Variants in CBX5 observed in about 807,000 individuals in gnomAD.
The protein encoded by CBX5 is chromobox 5, also known as chromobox protein homolog 5.
Under a neutral mutation model 20.7 loss-of-function variants are expected in CBX5, and 7 were observed. The observed-to-expected ratio is 0.34, with a 90% CI of 0.19 to 0.63. The LOEUF (loss-of-function observed/expected upper bound fraction) is 0.63, where lower values mean the gene tolerates loss of function less well. Among genes scored for constraint, CBX5 ranks in the 30% least tolerant of loss-of-function variants. CBX5 has a pLI of 0.75. For missense variants in CBX5, 110 were observed against 224.1 expected, an observed-to-expected ratio of 0.49 and a Z score of 3.25; for synonymous variants, 78 against 77.0, an observed-to-expected ratio of 1.01 and a Z score of -0.07.
chr12:54,278,322 T>A (rs1291132994), intron 1 of CBX5, among the ~76,000 whole-genome samples: 1 of 152,224 alleles, frequency 6.6e-6, no homozygotes, highest in Non-Finnish European at 1.5e-5. Flanking sequence ...CCAGGACAGA[T>A]ACCCTTAACC....
rs1017361193 is a variant in CBX5 at position 54,233,714 on chromosome 12, T to C, written c.*8041A>G. ...GGGAGGCTGAGGCACGTGGATCACT[T>C]GAGCTCACGAGTTGGAGACCAGCCT... is the stretch of plus-strand genomic sequence containing the variant. On this transcript the variant is annotated 3_prime_UTR_variant, in exon 5 of 5. Transcript: ENST00000209875. 2 of 151,930 alleles carry C rather than the reference T, an allele frequency of 1.3e-5. No individual in the cohort carries two copies. The highest frequency in any genetic ancestry group is 4.8e-5 in the African/African-American group (2 of 41,346). 9.4% of individuals were successfully genotyped at this position (151,930 alleles called of 1,614,324 possible). A position where few individuals can be genotyped will look rare whatever the true frequency, so the allele number is the denominator to read the frequency against.
intron 2 of CBX5, among the ~76,000 whole-genome samples, chr12:54,253,306 G>T (rs1450922929): frequency 1.3e-5 from 2 of 152,004 alleles, no homozygotes; most frequent in Admixed American, 1.3e-4. Flanking sequence ...TCCCAGCTAC[G>T]CAGGAGGCTA....
intron 1 of CBX5, chr12:54,273,524 T>G (rs528486355): frequency 6.6e-6 from 1 of 152,152 alleles, no homozygotes; most frequent in Non-Finnish European, 1.5e-5. Context: ...CTCTCTCAGG[T>G]TGAATTAAAA....
At chr12:54,271,919 G>T (rs914632366) in intron 1 of CBX5, 1 of 152,070 alleles carries the variant, frequency 6.6e-6, no homozygotes, top group African/African-American at 2.4e-5. Context: ...CATAAATGAG[G>T]TTTGCTATGT....
At chr12:54,271,125 G>C (rs1232325235) in intron 1 of CBX5, among the ~76,000 whole-genome samples, 3 of 152,300 alleles carry the variant, frequency 2.0e-5, no homozygotes, top group South Asian at 4.1e-4. Flanking sequence ...AAGGTAAACT[G>C]TCTGTGTAAA....
In CBX5 at chr12:54,232,767, T is replaced by A. The variant is rs1285314625; in HGVS notation, c.*8988A>T. ...TGAACTGCTTCTGAAAGTCATGTTATAGATGTTTTGAAAATAAAATTACAT... is the reference window on the plus strand; with the variant it reads ...TGAACTGCTTCTGAAAGTCATGTTAAAGATGTTTTGAAAATAAAATTACAT... On this transcript the variant is annotated 3_prime_UTR_variant, in exon 5 of 5. Transcript: ENST00000209875. 6.6e-6 allele frequency: 1 copy of A among 152,090 alleles called. No individual in the cohort carries two copies. Among genetic ancestry groups the A allele is most frequent in the Admixed American group, 6.6e-5 (1 of 15,246 alleles). 9.4% of individuals were successfully genotyped at this position (152,090 alleles called of 1,614,324 possible).
intron 1 of CBX5, among the ~76,000 whole-genome samples, chr12:54,279,749 C>T (rs1386401712): frequency 1.3e-5 from 2 of 152,182 alleles, no homozygotes; most frequent in Non-Finnish European, 2.9e-5. Context: ...TTCCGATGGC[C>T]CAAGGGCCGA....
At chr12:54,267,862 G>A (rs552150505) in intron 1 of CBX5, among the ~76,000 whole-genome samples, 10 of 152,292 alleles carry the variant, frequency 6.6e-5, no homozygotes, top group African/African-American at 2.4e-4. Flanking sequence ...GAAGACATCT[G>A]GCTGGGCATG....
rs977125073 is a variant in CBX5 at position 54,232,120 on chromosome 12, A to T, written c.*9635T>A. ...CCCTGCCTCACGATTCCCTAATCCA[A>T]TGCTCTTGAATCTGAAATGGCCTCC... On this transcript the variant is annotated 3_prime_UTR_variant, in exon 5 of 5. Transcript: ENST00000209875. 1.4e-4 allele frequency: 21 copies of T among 152,326 alleles called. No individual in the cohort carries two copies. Among genetic ancestry groups the T allele is most frequent in the African/African-American group, 5.1e-4 (21 of 41,568 alleles). 9.4% of individuals were successfully genotyped at this position (152,326 alleles called of 1,614,324 possible).
chr12:54,248,876 C>T (rs552892144), intron 3 of CBX5, among the ~76,000 whole-genome samples: 1 of 152,166 alleles, frequency 6.6e-6, no homozygotes, highest in Admixed American at 6.5e-5. Context: ...TTAAAACATA[C>T]AATCACCTAT....
At chr12:54,275,898 G>A (rs1481326552) in intron 1 of CBX5, among the ~76,000 whole-genome samples, 2 of 151,196 alleles carry the variant, frequency 1.3e-5, no homozygotes, top group African/African-American at 4.9e-5. Context: ...GCTGGAGCAG[G>A]AGAATTGCTT....
rs1349911493 is a variant in CBX5, at chr12:54,237,054, A to G, written c.*4701T>C. On this transcript the variant is annotated 3_prime_UTR_variant, in exon 5 of 5. Transcript: ENST00000209875. ...ATTAATGACACAAAGTAGAATGCAC[A>G]AAGTAGTATGCAGTATGGCTGGGGG... 6.6e-6 allele frequency: 1 copy of G among 152,210 alleles called. No individual in the cohort carries two copies. The highest frequency in any genetic ancestry group is 1.5e-5 in the Non-Finnish European group (1 of 68,054). 9.4% of individuals were successfully genotyped at this position (152,210 alleles called of 1,614,324 possible).
At chr12:54,243,275 A>G (rs1943697341) in intron 4 of CBX5, among the ~76,000 whole-genome samples, 1 of 152,162 alleles carries the variant, frequency 6.6e-6, no homozygotes, top group Non-Finnish European at 1.5e-5. Context: ...CATATGGCTG[A>G]GTAGGAAAAA....
chr12:54,259,313 G>A (rs2137022993), intron 1 of CBX5: 1 of 152,192 alleles, frequency 6.6e-6, no homozygotes, highest in Non-Finnish European at 1.5e-5. Flanking sequence ...AGAGCGCTGG[G>A]GTTAAAACCA....
chr12:54,277,392 A>G (rs1278281231), intron 1 of CBX5, among the ~76,000 whole-genome samples: 1 of 152,114 alleles, frequency 6.6e-6, no homozygotes, highest in African/African-American at 2.4e-5. Context: ...TTTAGTAGAG[A>G]CGGGGTTTCA....
rs894513596 is a variant in CBX5 at position 54,233,211 on chromosome 12, G to GT, written c.*8543dup. The GT allele has an allele frequency of 1.3e-5, 2 of 152,128 alleles. No individual in the cohort carries two copies. Among genetic ancestry groups the GT allele is most frequent in the African/African-American group, 4.8e-5 (2 of 41,414 alleles). 9.4% of individuals were successfully genotyped at this position (152,128 alleles called of 1,614,324 possible). On this transcript the variant is annotated 3_prime_UTR_variant, in exon 5 of 5. Transcript: ENST00000209875. Reference sequence around the variant, plus strand: ...GGGAGAGGGGATGAAAATATTCTCTGTAACTAATCATATAGACTCTTGAAT... The same window carrying GT: ...GGGAGAGGGGATGAAAATATTCTCTGTTAACTAATCATATAGACTCTTGAAT...
In CBX5 at chr12:54,257,656, A is replaced by G; in HGVS notation, c.-6T>C. On this transcript the variant is annotated 5_prime_UTR_variant, in exon 2 of 5. Coordinates refer to ENST00000209875, the MANE Select transcript of CBX5 (RefSeq NM_012117.3). ...CGCTTGGTTTTCTTTCCCATGTCGC[A>G]CACCGTTCCACCTGAAAGACTAAGG... The G allele has an allele frequency of 6.2e-7, 1 of 1,614,190 alleles. No homozygotes were observed. The highest frequency in any genetic ancestry group is 8.5e-7 in the Non-Finnish European group (1 of 1,180,018).
At position 54,236,613 on chromosome 12, in the gene CBX5, A is replaced by G. The variant is rs1943625514; in HGVS notation, c.*5142T>C. The G allele has an allele frequency of 6.6e-6, 1 of 152,248 alleles. No individual in the cohort carries two copies. Among genetic ancestry groups the G allele is most frequent in the African/African-American group, 2.4e-5 (1 of 41,468 alleles). 9.4% of individuals were successfully genotyped at this position (152,248 alleles called of 1,614,324 possible). A position where few individuals can be genotyped will look rare whatever the true frequency, so the allele number is the denominator to read the frequency against. On this transcript the variant is annotated 3_prime_UTR_variant, in exon 5 of 5. Coordinates refer to ENST00000209875, the MANE Select transcript of CBX5 (RefSeq NM_012117.3). ...GCATGCTTGGTGGTCTGATTACAAA[A>G]GTACGGATCTCAACACTATATTTTT...
intron 4 of CBX5, 123 bp from the exon 5 acceptor site, chr12:54,242,028 GAAA>G: frequency 2.5e-6 from 2 of 814,870 alleles, no homozygotes; most frequent in Non-Finnish European, 3.8e-6. Context: ...GTTTCAAGGT[GAAA>G]AGGACCCTTT....
Sources: allele counts gnomAD v4.1 joint callset (sites outside exome capture counted in the v4.1 genomes callset), GRCh38; gene constraint gnomAD v4.1.1; transcripts MANE v1.5; gene names NCBI Gene and HGNC (gene_info 2026-07-23, HGNC 2026-07-21).